The following ASB7 variants were observed in gnomAD, a reference collection of about 807,000 sequenced individuals.
ASB7 encodes ankyrin repeat and SOCS box containing 7, also known as ankyrin repeat and SOCS box protein 7.
In ASB7, 4 loss-of-function variants were observed where a neutral mutation model predicts 32.5. That is an observed-to-expected ratio of 0.12 (90% confidence interval 0.06 to 0.28). The LOEUF is 0.28. ASB7 is among the 10% of genes least tolerant of loss of function. ASB7 has a pLI of 1.00. For missense variants in ASB7, 181 were observed against 407.1 expected (o/e 0.44, Z 4.78); for synonymous variants, 172 against 155.6 (o/e 1.11, Z -0.78).
chr15:100,647,832 G>A (rs2040006673), intron 5 of ASB7, among the ~76,000 whole-genome samples: 1 of 152,092 alleles, frequency 6.6e-6, no homozygotes. Context: ...CCTAGACCCA[G>A]AGCTGAAAGG....
chr15:100,647,667 C>T (rs527473668), intron 5 of ASB7, among the ~76,000 whole-genome samples: 4 of 152,222 alleles, frequency 2.6e-5, no homozygotes, highest in Admixed American at 6.5e-5. Context: ...TACCTTGAGG[C>T]GCTTTTTCAC....
intron 5 of ASB7, among the ~76,000 whole-genome samples, chr15:100,631,776 G>A (rs1460492188): frequency 1.3e-5 from 2 of 152,058 alleles, no homozygotes; most frequent in African/African-American, 4.8e-5. Flanking sequence ...CTTGTTATGA[G>A]GATTAAATGA....
intron 4 of ASB7, among the ~76,000 whole-genome samples, chr15:100,617,653 G>A (rs1395585622): frequency 6.6e-6 from 1 of 152,198 alleles, no homozygotes; most frequent in African/African-American, 2.4e-5. Context: ...CCTGTGTGAT[G>A]TTATCCCTCT....
intron 4 of ASB7, among the ~76,000 whole-genome samples, chr15:100,613,524 C>T (rs2039714505): frequency 6.6e-6 from 1 of 152,232 alleles, no homozygotes; most frequent in Admixed American, 6.5e-5. Flanking sequence ...TACTTTGTAG[C>T]TTGTCTTCCA....
intron 3 of ASB7, among the ~76,000 whole-genome samples, chr15:100,610,404 A>G (rs1266296829): frequency 6.6e-6 from 1 of 152,068 alleles, no homozygotes; most frequent in Non-Finnish European, 1.5e-5. Flanking sequence ...CTGAGGCAGG[A>G]GAAAGGTGTG....
intron 5 of ASB7, among the ~76,000 whole-genome samples, chr15:100,630,864 T>C (rs1328889634): frequency 6.6e-6 from 1 of 152,186 alleles, no homozygotes; most frequent in Non-Finnish European, 1.5e-5. Flanking sequence ...GTAAACAAAA[T>C]GGATTTTGCT....
chr15:100,612,257 A>AAG lies in ASB7; in HGVS notation c.44_45dup (p.Leu16SerfsTer20). 6.2e-7 allele frequency: 1 copy of AAG among 1,614,164 alleles called. No individual in the cohort carries two copies. Among genetic ancestry groups the AAG allele is most frequent in the Non-Finnish European group, 8.5e-7 (1 of 1,180,002 alleles). Reference sequence around the variant, plus strand: ...TGTCGAAGGAACCCTGAGCTCCAGGAAGAGTTGCAGATTCAGGCCGCGGTG... The same window carrying AAG: ...TGTCGAAGGAACCCTGAGCTCCAGGAAGAGAGTTGCAGATTCAGGCCGCGGTG... On this transcript the variant is annotated frameshift_variant, in exon 4 of 6. Coordinates refer to ENST00000332783, the MANE Select transcript of ASB7 (RefSeq NM_198243.3). LOFTEE classifies it high-confidence loss of function.
At chr15:100,639,461 G>A (rs558061852) in intron 5 of ASB7, among the ~76,000 whole-genome samples, 2 of 151,994 alleles carry the variant, frequency 1.3e-5, no homozygotes, top group East Asian at 1.9e-4. Context: ...TTAAGAAAGC[G>A]GGCTCGAGCT....
At chr15:100,607,486 AG>A (rs1183148725) in intron 2 of ASB7, among the ~76,000 whole-genome samples, 4 of 152,342 alleles carry the variant, frequency 2.6e-5, no homozygotes, top group African/African-American at 7.2e-5. Flanking sequence ...CGTAATTCAA[AG>A]CAGTGTAGCT....
At chr15:100,635,695 A>G (rs1438361473) in intron 5 of ASB7, among the ~76,000 whole-genome samples, 1 of 152,150 alleles carries the variant, frequency 6.6e-6, no homozygotes, top group Non-Finnish European at 1.5e-5. Flanking sequence ...GGGGAGGGCC[A>G]GTGGTCTGCA....
Position 100,649,890 on chromosome 15 carries a change from C to T in ASB7, c.*1428C>T, listed in dbSNP as rs1047237810. 6.6e-6 allele frequency: 1 copy of T among 152,240 alleles called. No individual in the cohort carries two copies. Among genetic ancestry groups the T allele is most frequent in the African/African-American group, 2.4e-5 (1 of 41,456 alleles). 9.4% of individuals were successfully genotyped at this position (152,240 alleles called of 1,614,324 possible). A position where few individuals can be genotyped will look rare whatever the true frequency, so the allele number is the denominator to read the frequency against. On this transcript the variant is annotated 3_prime_UTR_variant, in exon 6 of 6. Transcript: ENST00000332783. The stretch of plus-strand genomic sequence containing the variant: ...TAATAAATTTGTTATCAGAAGTTTA[C>T]AAGACGAAGGGCTTCTCTCGTCTGA...
chr15:100,629,520 T>C lies in ASB7; in HGVS notation c.295T>C (p.Leu99=). The C allele has an allele frequency of 6.2e-7, 1 of 1,614,178 alleles. No individual in the cohort carries two copies. The highest frequency in any genetic ancestry group is 8.5e-7 in the Non-Finnish European group (1 of 1,179,972). ...GCATGGCCGGGCCCGCATTGCACGC[T>C]TGATGTTAGAATCTGAATACAGGAG... is the stretch of plus-strand genomic sequence containing the variant. ...AMHGRARIAR[L]MLESEYRSDI... is the part of the protein sequence containing the mutation. Residue 99 remains leucine (L), a synonymous_variant, in exon 5 of 6, where the codon TTG becomes CTG. Coordinates refer to ENST00000332783, the MANE Select transcript of ASB7 (RefSeq NM_198243.3). The surrounding 1 kb of genome is among the most constrained non-coding windows in gnomAD (Gnocchi z 6.8).
chr15:100,629,492 C>A lies in ASB7; in HGVS notation c.267C>A (p.Ala89=). ...IGGFTALHYA[A]MHGRARIARL... is the part of the protein sequence containing the mutation. Reference sequence around the variant, plus strand: ...GCTTCACGGCTCTTCACTATGCAGCCATGCATGGCCGGGCCCGCATTGCAC... The same window carrying A: ...GCTTCACGGCTCTTCACTATGCAGCAATGCATGGCCGGGCCCGCATTGCAC... Residue 89 remains alanine (A), a synonymous_variant, in exon 5 of 6, where the codon GCC becomes GCA. Transcript: ENST00000332783. The surrounding 1 kb of genome is among the most constrained non-coding windows in gnomAD (Gnocchi z 6.8). The A allele has an allele frequency of 6.2e-7, 1 of 1,613,928 alleles. No individual in the cohort carries two copies.
chr15:100,629,015 T>G lies in ASB7; in HGVS notation c.212-422T>G, dbSNP rs1035196831. 1.3e-5 allele frequency among the ~76,000 whole-genome samples: 2 copies of G among 152,190 alleles called. No homozygotes were observed. Among genetic ancestry groups the G allele is most frequent in the Non-Finnish European group, 2.9e-5 (2 of 68,032 alleles). ...TATCTGTAATTTAGAGCAGCAGATG[T>G]TGCTACACATGCTTCTCTTTAAGAC... On this transcript the variant is annotated intron_variant, in intron 4 of 5. Transcript: ENST00000332783. This position sits in a 1 kb window ranked among gnomAD's most constrained non-coding sequence, Gnocchi z 6.8.
At chr15:100,614,628 G>A (rs1033386372) in intron 4 of ASB7, among the ~76,000 whole-genome samples, 7 of 151,806 alleles carry the variant, frequency 4.6e-5, no homozygotes, top group Non-Finnish European at 8.8e-5. Flanking sequence ...CCAGTGAGGG[G>A]CTTAGAGGCT....
intron 5 of ASB7, 91 bp downstream of exon 5, chr15:100,630,133 A>G: frequency 7.1e-7 from 1 of 1,416,240 alleles, no homozygotes; most frequent in Non-Finnish European, 9.2e-7. Flanking sequence ...AGATGACTAG[A>G]TATTAATCAT....
intron 5 of ASB7, among the ~76,000 whole-genome samples, chr15:100,631,458 G>T (rs758811963): frequency 6.6e-6 from 1 of 152,182 alleles, no homozygotes; most frequent in Non-Finnish European, 1.5e-5. Context: ...CACAGAAGTC[G>T]CCACAGTTGG....
intron 5 of ASB7, among the ~76,000 whole-genome samples, chr15:100,634,633 G>A (rs2039908613): frequency 1.3e-5 from 2 of 152,062 alleles, no homozygotes; most frequent in East Asian, 1.9e-4. Flanking sequence ...GTGAAACCCC[G>A]TCTCTACTAA....
chr15:100,650,925 C>T lies in ASB7; in HGVS notation c.*2463C>T, dbSNP rs868817481. On this transcript the variant is annotated 3_prime_UTR_variant, in exon 6 of 6. Coordinates refer to ENST00000332783, the MANE Select transcript of ASB7 (RefSeq NM_198243.3). ...CAGGTCTGCATTTGAATTGGATTCACAGAGAAGCATTCCATGGTCACATAA... is the reference window on the plus strand; with the variant it reads ...CAGGTCTGCATTTGAATTGGATTCATAGAGAAGCATTCCATGGTCACATAA... 1 of 152,182 alleles carries T rather than the reference C, an allele frequency of 6.6e-6. No homozygotes were observed. Among genetic ancestry groups the T allele is most frequent in the Non-Finnish European group, 1.5e-5 (1 of 68,042 alleles). 9.4% of individuals were successfully genotyped at this position (152,182 alleles called of 1,614,324 possible).
Sources: gnomAD v4.1 joint callset for allele counts (sites outside exome capture counted in the v4.1 genomes callset) on GRCh38, gnomAD v4.1.1 for gene constraint, Gnocchi (gnomAD v3.1) non-coding constraint, MANE v1.5 for transcripts, NCBI Gene and HGNC (gene_info 2026-07-23, HGNC 2026-07-21) for gene names.